Variants in VIL1 observed in about 807,000 individuals in gnomAD.
VIL1 encodes the protein villin 1.
In VIL1, 86 loss-of-function variants were observed where a neutral mutation model predicts 104.0. The observed-to-expected ratio is 0.83, with a 90% CI of 0.69 to 0.99. The LOEUF is 0.99. Among genes scored for constraint, VIL1 ranks in the 50% least tolerant of loss-of-function variants. The pLI is 0.00. For synonymous variants in VIL1, 394 were observed against 412.6 expected (o/e 0.95, Z 0.55); for missense variants, 944 against 1,054.1 (o/e 0.90, Z 1.45).
rs191252634 is a variant in VIL1, at chr2:218,427,179, A to C, written c.348-786A>C. The stretch of plus-strand genomic sequence containing the variant: ...GGCTCTCTAATTAGCCACAGTTCCC[A>C]CTCTTTTTTTGTCTTGCTCCTCTCT... On this transcript the variant is annotated intron_variant, in intron 4 of 19. Transcript: ENST00000248444. Among the ~76,000 whole-genome samples, 278 of 150,730 alleles carry C rather than the reference A, an allele frequency of 1.8e-3. 1 individual carries two copies. The highest frequency in any genetic ancestry group is 6.4e-3 in the African/African-American group (263 of 40,978).
Position 218,427,952 on chromosome 2 carries a change from CCT to C in VIL1, c.348-8_348-7del, listed in dbSNP as rs766237676. 6.0e-5 allele frequency: 97 copies of C among 1,613,376 alleles called. 1 individual carries two copies. The East Asian group carries it at 1.5e-3, about 25-fold the overall frequency. On this transcript the variant is annotated splice_polypyrimidine_tract_variant and intron_variant, in intron 4 of 19. Transcript: ENST00000248444. ...CAGCCCACTTCCTTGGGTCAGCTCA[CCT>C]CTCTTCTCAGGATCCGGAAAGGGGG...
intron 12 of VIL1, chr2:218,432,563 G>A: frequency 1.4e-6 from 1 of 740,322 alleles, no homozygotes; most frequent in Non-Finnish European, 2.4e-6. Flanking sequence ...GGGGTTGCAG[G>A]TAGGTCAGGG....
chr2:218,440,700 G>A (rs1157316070), intron 18 of VIL1, 22 bp from the exon 19 acceptor site: 3 of 1,613,712 alleles, frequency 1.9e-6, no homozygotes, highest in Non-Finnish European at 2.5e-6. Flanking sequence ...AAAGTAACCA[G>A]TGGTTTCCTT....
At chr2:218,424,687 C>T (rs1688950375) in intron 3 of VIL1, among the ~76,000 whole-genome samples, 1 of 152,160 alleles carries the variant, frequency 6.6e-6, no homozygotes, top group African/African-American at 2.4e-5. Context: ...GATGGAGTCT[C>T]ACTCTGTCAC....
chr2:218,444,278 A>AT (rs1012106408), intron 19 of VIL1, among the ~76,000 whole-genome samples: 4 of 146,688 alleles, frequency 2.7e-5, no homozygotes, highest in Non-Finnish European at 6.0e-5. Context: ...ACTGAAGCTG[A>AT]TTTTTTTTCT....
intron 3 of VIL1, 25 bp from the exon 4 acceptor site, chr2:218,425,590 G>T: frequency 6.2e-7 from 1 of 1,612,546 alleles, no homozygotes; most frequent in Admixed American, 1.7e-5. Context: ...CAGGGTCTCG[G>T]GTACACTGGA....
rs141096673 is a variant in VIL1, at chr2:218,429,665, T to C, written c.839T>C (p.Leu280Pro). The C allele has an allele frequency of 3.9e-4, 633 of 1,614,034 alleles. No individual in the cohort carries two copies. Among genetic ancestry groups the C allele is most frequent in the Non-Finnish European group, 5.0e-4 (586 of 1,180,014 alleles). ...VATRPLTQDLLSHEDCYILDQ... is the reference protein window; with the variant it reads ...VATRPLTQDLPSHEDCYILDQ... ...ACACGGCCACTGACACAGGACCTGC[T>C]CAGTCACGAGGTAAGAGGGTCTGGA... Residue 280 changes from leucine to proline, a missense_variant, in exon 8 of 20, where the codon CTC (leucine) becomes CCC (proline). By Grantham distance (98) the Leu-to-Pro change is moderately conservative. Coordinates refer to ENST00000248444, the MANE Select transcript of VIL1 (RefSeq NM_007127.3).
At position 218,452,381 on chromosome 2, in the gene VIL1, T is replaced by C. The variant is rs1689508595; in HGVS notation, c.*3045T>C. 1 of 152,056 alleles carries C rather than the reference T, an allele frequency of 6.6e-6. No homozygotes were observed. Among genetic ancestry groups the C allele is most frequent in the African/African-American group, 2.4e-5 (1 of 41,408 alleles). 9.4% of individuals were successfully genotyped at this position (152,056 alleles called of 1,614,324 possible). A position where few individuals can be genotyped will look rare whatever the true frequency, so the allele number is the denominator to read the frequency against. On this transcript the variant is annotated 3_prime_UTR_variant, in exon 20 of 20. Coordinates refer to ENST00000248444, the MANE Select transcript of VIL1 (RefSeq NM_007127.3). Reference sequence around the variant, plus strand: ...ACAATGTGCAAAAAATAATATATTATCTATTTATAATTTTAAAATATATAC... The same window carrying C: ...ACAATGTGCAAAAAATAATATATTACCTATTTATAATTTTAAAATATATAC...
At chr2:218,422,450 A>G (rs1369039064) in intron 1 of VIL1, among the ~76,000 whole-genome samples, 1 of 152,190 alleles carries the variant, frequency 6.6e-6, no homozygotes, top group African/African-American at 2.4e-5. Context: ...GGAGAAGGCC[A>G]TAGCCAACAG....
Position 218,434,673 on chromosome 2 carries a change from A to G in VIL1, c.1648A>G (p.Thr550Ala). The G allele has an allele frequency of 6.2e-7, 1 of 1,613,856 alleles. No homozygotes were observed. Among genetic ancestry groups the G allele is most frequent in the South Asian group, 1.1e-5 (1 of 91,050 alleles). ...TTCCAATGATGTCTTTGTCCTCAAG[A>G]CCCAGTCTTGCTGCTATCTATGGTG... ...LNSNDVFVLK[T>A]QSCCYLWCGK... The change falls in exon 14 of 20, where the codon ACC becomes GCC. Residue 550 changes from threonine (T) to alanine (A), a missense_variant. Physicochemically the swap from Thr to Ala is moderately conservative, Grantham distance 58. Coordinates refer to ENST00000248444, the MANE Select transcript of VIL1 (RefSeq NM_007127.3).
intron 19 of VIL1, among the ~76,000 whole-genome samples, chr2:218,441,206 T>G (rs1157095169): frequency 6.6e-6 from 1 of 151,900 alleles, no homozygotes; most frequent in Non-Finnish European, 1.5e-5. Flanking sequence ...CTGACCAATA[T>G]GGGGAAACCC....
Position 218,450,851 on chromosome 2 carries a change from C to T in VIL1, c.*1515C>T, listed in dbSNP as rs1449874409. The T allele has an allele frequency of 6.6e-6, 1 of 152,204 alleles. No individual in the cohort carries two copies. The highest frequency in any genetic ancestry group is 2.4e-5 in the African/African-American group (1 of 41,464). The allele number at this position is 152,204 out of a possible 1,614,324, so 9.4% of individuals were successfully genotyped here. On this transcript the variant is annotated 3_prime_UTR_variant, in exon 20 of 20. Transcript: ENST00000248444. The stretch of plus-strand genomic sequence containing the variant: ...ACAAAATCAAATGCTTATATTCAGA[C>T]TGGCACACTTTTTAAATAAAAACTC...
intron 9 of VIL1, 30 bp from the exon 10 acceptor site, chr2:218,430,695 A>G (rs1689078275): frequency 1.3e-6 from 2 of 1,555,020 alleles, no homozygotes; most frequent in Non-Finnish European, 1.7e-6. Flanking sequence ...GGGGAGGTGC[A>G]TAGCTTCCAG....
At chr2:218,434,766 C>T (rs943202322) in intron 14 of VIL1, 61 bp downstream of exon 14, 39 of 1,535,714 alleles carry the variant, frequency 2.5e-5, no homozygotes, top group Middle Eastern at 3.5e-4. Flanking sequence ...CCCCCAGTTT[C>T]GCAGCAGCCC....
intron 10 of VIL1, among the ~76,000 whole-genome samples, chr2:218,431,609 A>C (rs1689099736): frequency 6.6e-6 from 1 of 152,138 alleles, no homozygotes. Flanking sequence ...GTAGATCAAC[A>C]AAGCTAAAGC....
At position 218,451,701 on chromosome 2, in the gene VIL1, T is replaced by C. The variant is rs1028647859; in HGVS notation, c.*2365T>C. 6.6e-6 allele frequency: 1 copy of C among 152,342 alleles called. No homozygotes were observed. The highest frequency in any genetic ancestry group is 2.4e-5 in the African/African-American group (1 of 41,458). The allele number at this position is 152,342 out of a possible 1,614,324, so 9.4% of individuals were successfully genotyped here. On this transcript the variant is annotated 3_prime_UTR_variant, in exon 20 of 20. Transcript: ENST00000248444. ...AAGCCTCTGTTTCAGAATTTTATACTTGATCAAGGAGAAAAATAAATGTGT... is the reference window on the plus strand; with the variant it reads ...AAGCCTCTGTTTCAGAATTTTATACCTGATCAAGGAGAAAAATAAATGTGT...
At chr2:218,427,049 CCA>C (rs1689014256) in intron 4 of VIL1, among the ~76,000 whole-genome samples, 1 of 152,164 alleles carries the variant, frequency 6.6e-6, no homozygotes. Flanking sequence ...CACTCCCAGC[CCA>C]GACTGCTGGC....
Position 218,423,829 on chromosome 2 carries a change from G to A in VIL1, c.51G>A (p.Pro17=), listed in dbSNP as rs751940689. 1.5e-5 allele frequency: 24 copies of A among 1,614,016 alleles called. No homozygotes were observed. Among genetic ancestry groups the A allele is most frequent in the African/African-American group, 2.7e-5 (2 of 74,910 alleles). The change falls in exon 2 of 20, where the codon CCG becomes CCA. Residue 17 remains proline (P), a synonymous_variant. Coordinates refer to ENST00000248444, the MANE Select transcript of VIL1 (RefSeq NM_007127.3). ...AAGGCTCTCTCAACATCACCACCCCGGGGCTGCAGATATGGAGGATCGAGG... is the reference window on the plus strand; with the variant it reads ...AAGGCTCTCTCAACATCACCACCCCAGGGCTGCAGATATGGAGGATCGAGG... ...QVKGSLNITT[P]GLQIWRIEAM...
rs532933185 is a variant in VIL1, at chr2:218,438,136, T to C, written c.2161-522T>C. ...GTTATCACCTTTCCCTCACCTCAAGTGTGTGCTGGCTTCTCTCTCAGCCTC... is the reference window on the plus strand; with the variant it reads ...GTTATCACCTTTCCCTCACCTCAAGCGTGTGCTGGCTTCTCTCTCAGCCTC... On this transcript the variant is annotated intron_variant, in intron 17 of 19. Transcript: ENST00000248444. Among the ~76,000 whole-genome samples, 5 of 151,888 alleles carry C rather than the reference T, an allele frequency of 3.3e-5. No homozygotes were observed. In the East Asian group the frequency reaches 9.6e-4, roughly 29 times the overall value.
Sources: gnomAD v4.1 joint callset for allele counts (sites outside exome capture counted in the v4.1 genomes callset) on GRCh38, gnomAD v4.1.1 for gene constraint, MANE v1.5 for transcripts, NCBI Gene and HGNC (gene_info 2026-07-23, HGNC 2026-07-21) for gene names.